The following THSD4 variants were observed in gnomAD, a reference collection of about 807,000 sequenced individuals.
THSD4 encodes thrombospondin type 1 domain containing 4, also known as thrombospondin type-1 domain-containing protein 4.
THSD4 carries 69 observed loss-of-function variants against 119.0 expected under a neutral mutation model. That is an observed-to-expected ratio of 0.58 (90% CI 0.48 to 0.71). The LOEUF (loss-of-function observed/expected upper bound fraction) is 0.71. Among genes scored for constraint, THSD4 ranks in the 30% least tolerant of loss-of-function variants. The pLI, the probability that THSD4 is intolerant of heterozygous loss-of-function variation, is 0.00. For synonymous variants in THSD4, 524 were observed against 540.4 expected (o/e 0.97, Z 0.42); for missense variants, 1,393 against 1,391.1 (o/e 1.00, Z -0.02).
intron 2 of THSD4, among the ~76,000 whole-genome samples, chr15:71,148,732 T>C (rs1181009935): frequency 1.3e-5 from 2 of 152,110 alleles, no homozygotes; most frequent in Non-Finnish European, 2.9e-5. Context: ...AGATGGCAAA[T>C]GCTTGTTTTG....
intron 7 of THSD4, among the ~76,000 whole-genome samples, chr15:71,427,699 G>A (rs1389436091): frequency 6.6e-6 from 1 of 150,988 alleles, no homozygotes; most frequent in Non-Finnish European, 1.5e-5. Flanking sequence ...TACTTCTGGT[G>A]GTGCCATTCT....
intron 6 of THSD4, among the ~76,000 whole-genome samples, chr15:71,294,091 A>G (rs1349176175): frequency 6.6e-6 from 1 of 152,046 alleles, no homozygotes; most frequent in Non-Finnish European, 1.5e-5. Flanking sequence ...GTTCTCATTT[A>G]TCTTCTGCTG....
At chr15:71,732,230 T>G in intron 10 of THSD4, 1 of 152,234 alleles carries the variant, frequency 6.6e-6, no homozygotes, top group Non-Finnish European at 1.5e-5. Flanking sequence ...GTGGACATCT[T>G]TAGGGGGCCA....
At chr15:71,112,409 G>C (rs1279950192), upstream of THSD4, 5 of 513,770 alleles carry the variant, frequency 9.7e-6, no homozygotes, top group African/African-American at 2.0e-5. Flanking sequence ...TGACAGAAGA[G>C]TTATGTTTCT....
chr15:71,243,185 A>T, intron 5 of THSD4, 89 bp downstream of exon 5: 1 of 1,329,218 alleles, frequency 7.5e-7, no homozygotes, highest in South Asian at 1.4e-5. Context: ...GACAGCAAGG[A>T]TATGGTGTCT....
At chr15:71,713,164 C>G (rs1160487218) in intron 8 of THSD4, among the ~76,000 whole-genome samples, 1 of 152,198 alleles carries the variant, frequency 6.6e-6, no homozygotes, top group East Asian at 1.9e-4. Context: ...ATCCAATATG[C>G]CATCATTGTA....
At chr15:71,702,214 C>CA (rs1458437033) in intron 8 of THSD4, among the ~76,000 whole-genome samples, 1 of 152,144 alleles carries the variant, frequency 6.6e-6, no homozygotes, top group Admixed American at 6.5e-5. Context: ...CTGGACCCTG[C>CA]AGCCTGGAAT....
chr15:71,262,794 T>C (rs2044416150), intron 6 of THSD4, among the ~76,000 whole-genome samples: 1 of 152,146 alleles, frequency 6.6e-6, no homozygotes, highest in Non-Finnish European at 1.5e-5. Flanking sequence ...TGACTTAACA[T>C]GACAAAAGCT....
chr15:71,703,766 G>A (rs1241728495), intron 8 of THSD4, among the ~76,000 whole-genome samples: 5 of 152,150 alleles, frequency 3.3e-5, no homozygotes, highest in South Asian at 2.1e-4. Flanking sequence ...TGTATTCTGC[G>A]CCTGTCTCTG....
At chr15:71,521,566 A>C (rs553210184) in intron 7 of THSD4, among the ~76,000 whole-genome samples, 4 of 152,256 alleles carry the variant, frequency 2.6e-5, no homozygotes, top group African/African-American at 9.6e-5. Context: ...AAATACCTAG[A>C]CTTCCAAGGC....
intron 6 of THSD4, among the ~76,000 whole-genome samples, chr15:71,299,158 GT>G (rs773362687): frequency 7.9e-5 from 12 of 152,314 alleles, no homozygotes; most frequent in African/African-American, 2.9e-4. Context: ...TCATCTAAAT[GT>G]TTTAATATAT....
chr15:71,567,573 T>G (rs1306489311), intron 7 of THSD4, among the ~76,000 whole-genome samples: 3 of 145,542 alleles, frequency 2.1e-5, no homozygotes, highest in Non-Finnish European at 3.0e-5. Context: ...ACTTCCAACT[T>G]GCTCCTGGAC....
intron 6 of THSD4, among the ~76,000 whole-genome samples, chr15:71,320,533 G>C (rs2045251843): frequency 6.6e-6 from 1 of 152,168 alleles, no homozygotes; most frequent in South Asian, 2.1e-4. Context: ...CACATTTTTG[G>C]CCTTTTCATA....
At chr15:71,640,502 A>G (rs1431980120) in intron 7 of THSD4, among the ~76,000 whole-genome samples, 1 of 152,106 alleles carries the variant, frequency 6.6e-6, no homozygotes, top group African/African-American at 2.4e-5. Context: ...CCCGTATTGG[A>G]TTAATTTCAG....
chr15:71,374,090 T>C (rs2046098164), intron 6 of THSD4, among the ~76,000 whole-genome samples: 1 of 152,194 alleles, frequency 6.6e-6, no homozygotes, highest in African/African-American at 2.4e-5. Context: ...CAGCTGAGCA[T>C]GGGCTGGGTG....
At chr15:71,715,017 C>T (rs1176852563) in intron 8 of THSD4, among the ~76,000 whole-genome samples, 1 of 152,128 alleles carries the variant, frequency 6.6e-6, no homozygotes, top group African/African-American at 2.4e-5. Flanking sequence ...CTTATAACTC[C>T]AGAGACATAA....
At chr15:71,110,556 G>C (rs1425153879), upstream of THSD4, 1 of 153,410 alleles carries the variant, frequency 6.5e-6, no homozygotes, top group East Asian at 1.9e-4. Context: ...CTGATCAACA[G>C]CCACTACGTC....
chr15:71,470,954 CAT>C (rs2047569364), intron 7 of THSD4, among the ~76,000 whole-genome samples: 1 of 152,210 alleles, frequency 6.6e-6, no homozygotes. Flanking sequence ...ATTTTAAACT[CAT>C]ATATAGTTTG....
At chr15:71,243,564 T>C (rs1341108394) in intron 5 of THSD4, among the ~76,000 whole-genome samples, 1 of 152,172 alleles carries the variant, frequency 6.6e-6, no homozygotes, top group African/African-American at 2.4e-5. Context: ...GCTAAGGTGA[T>C]AGATGGCACA....
Sources: allele counts gnomAD v4.1 joint callset (sites outside exome capture counted in the v4.1 genomes callset), GRCh38; gene constraint gnomAD v4.1.1; transcripts MANE v1.5; gene names NCBI Gene and HGNC (gene_info 2026-07-23, HGNC 2026-07-21).